FRAS1: variants seen among roughly 807,000 people sequenced by gnomAD.
The protein encoded by FRAS1 is Fraser extracellular matrix complex subunit 1, also known as extracellular matrix organizing protein FRAS1.
In FRAS1, 290 loss-of-function variants were observed where a neutral mutation model predicts 435.2. The observed-to-expected ratio is 0.67, with a 90% CI of 0.61 to 0.73. FRAS1 has a LOEUF of 0.73. Among genes scored for constraint, FRAS1 ranks in the 30% least tolerant of loss-of-function variants. FRAS1 has a pLI of 0.00. For missense variants in FRAS1, 4,860 were observed against 5,001.5 expected (o/e 0.97, Z 0.85); for synonymous variants, 1,800 against 1,851.0 (o/e 0.97, Z 0.71).
chr4:78,171,806 T>C (rs545056489), intron 2 of FRAS1, among the ~76,000 whole-genome samples: 1 of 152,198 alleles, frequency 6.6e-6, no homozygotes, highest in East Asian at 1.9e-4. Flanking sequence ...CTTTCCTCCC[T>C]CCTCACATAA....
At chr4:78,203,096 T>A (rs1446163483) in intron 2 of FRAS1, among the ~76,000 whole-genome samples, 1 of 152,236 alleles carries the variant, frequency 6.6e-6, no homozygotes, top group African/African-American at 2.4e-5. Context: ...ATGCCAATTT[T>A]GGGAGTAATG....
intron 59 of FRAS1, among the ~76,000 whole-genome samples, chr4:78,492,881 T>G (rs1426793822): frequency 6.6e-6 from 1 of 152,134 alleles, no homozygotes; most frequent in Non-Finnish European, 1.5e-5. Flanking sequence ...ACCTACAGAA[T>G]GGGAGAAAAT....
At chr4:78,214,310 G>A (rs1219337073) in intron 2 of FRAS1, among the ~76,000 whole-genome samples, 1 of 152,204 alleles carries the variant, frequency 6.6e-6, no homozygotes, top group African/African-American at 2.4e-5. Flanking sequence ...TTCTGTATCT[G>A]TCTTGAAGTT....
chr4:78,257,806 A>G (rs968074501), intron 6 of FRAS1, among the ~76,000 whole-genome samples: 2 of 152,210 alleles, frequency 1.3e-5, no homozygotes, highest in African/African-American at 2.4e-5. Flanking sequence ...TTGTGTTCAT[A>G]TAAGGGGTTA....
chr4:78,366,373 C>T (rs528002931), intron 22 of FRAS1, among the ~76,000 whole-genome samples: 4 of 152,310 alleles, frequency 2.6e-5, no homozygotes, highest in African/African-American at 4.8e-5. Flanking sequence ...GGAAGAAAGC[C>T]GGTTCCACTG....
intron 2 of FRAS1, among the ~76,000 whole-genome samples, chr4:78,068,218 T>C (rs1401716671): frequency 6.6e-6 from 1 of 151,794 alleles, no homozygotes; most frequent in Non-Finnish European, 1.5e-5. Flanking sequence ...GTCAGATAGG[T>C]GGGCTATGGG....
At chr4:78,359,543 G>A (rs1730995829) in intron 20 of FRAS1, among the ~76,000 whole-genome samples, 1 of 152,086 alleles carries the variant, frequency 6.6e-6, no homozygotes, top group African/African-American at 2.4e-5. Flanking sequence ...CTTCTGTTGG[G>A]GGATTGCATA....
chr4:78,385,670 A>C (rs1732190141), intron 28 of FRAS1, among the ~76,000 whole-genome samples: 2 of 152,124 alleles, frequency 1.3e-5, no homozygotes, highest in Non-Finnish European at 2.9e-5. Flanking sequence ...TGGTCACCTG[A>C]GGTCAGAAGT....
At chr4:78,509,842 TA>T (rs900424907) in intron 63 of FRAS1, among the ~76,000 whole-genome samples, 5 of 152,252 alleles carry the variant, frequency 3.3e-5, no homozygotes, top group Non-Finnish European at 7.3e-5. Context: ...AATTCTTGCC[TA>T]AAATTATATC....
intron 34 of FRAS1, among the ~76,000 whole-genome samples, chr4:78,422,268 A>T (rs1037267823): frequency 2.1e-4 from 32 of 151,172 alleles, no homozygotes; most frequent in African/African-American, 7.8e-4. Context: ...GGCCTTGGAG[A>T]TACAGTGGCA....
At chr4:78,101,107 T>C (rs1742105230) in intron 2 of FRAS1, among the ~76,000 whole-genome samples, 1 of 143,608 alleles carries the variant, frequency 7.0e-6, no homozygotes, top group Non-Finnish European at 1.6e-5. Flanking sequence ...TAAAGATGAA[T>C]AACTCGATTT....
intron 2 of FRAS1, among the ~76,000 whole-genome samples, chr4:78,084,741 G>A (rs1229985857): frequency 1.3e-5 from 2 of 152,030 alleles, no homozygotes; most frequent in Non-Finnish European, 2.9e-5. Context: ...ATGAGCTCTG[G>A]TTCCTGGAAG....
chr4:78,487,522 C>T (rs193233198), intron 58 of FRAS1, among the ~76,000 whole-genome samples: 109 of 152,170 alleles, frequency 7.2e-4, no homozygotes, highest in African/African-American at 2.5e-3. Context: ...TAATTCTGAC[C>T]CAGGAGGCTT....
chr4:78,161,182 A>G (rs1721119819), intron 2 of FRAS1, among the ~76,000 whole-genome samples: 1 of 152,110 alleles, frequency 6.6e-6, no homozygotes, highest in Admixed American at 6.6e-5. Flanking sequence ...AAAGAAAAGG[A>G]AAGTAATAGG....
In FRAS1 at chr4:78,245,229, T is replaced by A. The variant is rs745608260; in HGVS notation, c.217-4T>A. ...TTTACTTTGAGCTGCTTTTAAATGC[T>A]CAGGGAGAAGTGCTTCAAATAGCTG... On this transcript the variant is annotated splice_polypyrimidine_tract_variant and splice_region_variant and intron_variant, in intron 3 of 73. Transcript: ENST00000512123. 6 of 1,599,212 alleles carry A rather than the reference T, an allele frequency of 3.8e-6. No homozygotes were observed. Among genetic ancestry groups the A allele is most frequent in the Non-Finnish European group, 5.1e-6 (6 of 1,171,858 alleles).
intron 31 of FRAS1, among the ~76,000 whole-genome samples, chr4:78,409,005 GA>G: frequency 1.4e-5 from 1 of 72,636 alleles, no homozygotes; most frequent in East Asian, 3.9e-4. Context: ...TAGGCGGGAG[GA>G]TCACTTGAGC....
At chr4:78,527,163 G>A (rs899342594) in intron 70 of FRAS1, among the ~76,000 whole-genome samples, 1 of 152,106 alleles carries the variant, frequency 6.6e-6, no homozygotes, top group African/African-American at 2.4e-5. Flanking sequence ...AGGCTCATAG[G>A]AATCTAACCC....
rs1474730530 is a variant in FRAS1 at position 78,245,349 on chromosome 4, T to G, written c.309+24T>G. On this transcript the variant is annotated intron_variant, in intron 4 of 73. Coordinates refer to ENST00000512123, the MANE Select transcript of FRAS1 (RefSeq NM_025074.7). ...AGGTAAGTGTTTTCTGACTCACGGTTGATTCTGTGTCTGCAGATCTCTGAC... is the reference window on the plus strand; with the variant it reads ...AGGTAAGTGTTTTCTGACTCACGGTGGATTCTGTGTCTGCAGATCTCTGAC... 3 of 1,462,800 alleles carry G rather than the reference T, an allele frequency of 2.1e-6. No homozygotes were observed. The Admixed American group carries it at 5.5e-5, about 27-fold the overall frequency. The allele number at this position is 1,462,800 out of a possible 1,614,324, so 90.6% of individuals were successfully genotyped here.
Position 78,132,628 on chromosome 4 carries a change from G to C in FRAS1, c.108+66612G>C, listed in dbSNP as rs1029432435. 5.3e-5 allele frequency among the ~76,000 whole-genome samples: 8 copies of C among 152,334 alleles called. No homozygotes were observed. In the East Asian group the frequency reaches 5.8e-4, roughly 11 times the overall value. ...ATCACTCTGGTTGTTCAGGAGACAG[G>C]AGGGGATAGATGGAGAGCAGATGCA... is the stretch of plus-strand genomic sequence containing the variant. On this transcript the variant is annotated intron_variant, in intron 2 of 73. Coordinates refer to ENST00000512123, the MANE Select transcript of FRAS1 (RefSeq NM_025074.7).
Sources: allele counts gnomAD v4.1 joint callset (sites outside exome capture counted in the v4.1 genomes callset), GRCh38; gene constraint gnomAD v4.1.1; transcripts MANE v1.5; gene names NCBI Gene and HGNC (gene_info 2026-07-23, HGNC 2026-07-21).